PCDH15: variants seen among roughly 807,000 people sequenced by gnomAD.
The protein encoded by PCDH15 is protocadherin related 15.
A neutral mutation model predicts 178.5 loss-of-function variants in PCDH15; 129 were observed. The observed-to-expected ratio is 0.72, with a 90% CI of 0.63 to 0.84. The LOEUF (loss-of-function observed/expected upper bound fraction) is 0.84, where lower values mean the gene tolerates loss of function less well. Ranked by LOEUF, PCDH15 falls within the 40% of genes least tolerant of loss-of-function variation. The pLI, the probability that PCDH15 is intolerant of heterozygous loss-of-function variation, is 0.00. For missense variants in PCDH15, 2,230 were observed against 2,099.9 expected (o/e 1.06, Z -1.21); for synonymous variants, 800 against 732.0 (o/e 1.09, Z -1.50).
rs144955298 is a variant in PCDH15 at position 53,840,352 on chromosome 10, G to C, written c.3951C>G (p.Thr1317=). ...GCTCATTTCTATCGATGGCTCTGTTGGTTTGGGGGTCAATTGCATAGACAG... is the reference window on the plus strand; with the variant it reads ...GCTCATTTCTATCGATGGCTCTGTTCGTTTGGGGGTCAATTGCATAGACAG... ...DLTVYAIDPQ[T]NRAIDRNELF... The change falls in exon 29 of 38, where the codon ACC becomes ACG. Residue 1317 remains threonine, a synonymous_variant. Coordinates refer to ENST00000644397, the MANE Select transcript of PCDH15 (RefSeq NM_001384140.1). 1 of 1,614,160 alleles carries C rather than the reference G, an allele frequency of 6.2e-7. No homozygotes were observed. The highest frequency in any genetic ancestry group is 8.5e-7 in the Non-Finnish European group (1 of 1,180,030).
intron 3 of PCDH15, among the ~76,000 whole-genome samples, chr10:54,812,612 C>A (rs1952882654): frequency 6.6e-6 from 1 of 152,116 alleles, no homozygotes; most frequent in South Asian, 2.1e-4. Flanking sequence ...GGTCCCACCA[C>A]CATGCCCAGG....
intron 1 of PCDH15, among the ~76,000 whole-genome samples, chr10:54,752,732 G>C (rs961431362): frequency 6.6e-6 from 1 of 151,772 alleles, no homozygotes; most frequent in Non-Finnish European, 1.5e-5. Flanking sequence ...CCAACTGACA[G>C]GACCTCACTT....
At chr10:55,363,164 T>G (rs897885104) in intron 2 of PCDH15, among the ~76,000 whole-genome samples, 5 of 152,166 alleles carry the variant, frequency 3.3e-5, no homozygotes, top group African/African-American at 1.2e-4. Context: ...TAGAGACCTA[T>G]CCAAGAGGTC....
chr10:54,684,449 G>A (rs958566002), intron 1 of PCDH15, among the ~76,000 whole-genome samples: 1 of 152,054 alleles, frequency 6.6e-6, no homozygotes, highest in East Asian at 1.9e-4. Flanking sequence ...TTTCTTAAAA[G>A]AAAATGTTAA....
intron 2 of PCDH15, among the ~76,000 whole-genome samples, chr10:55,031,548 T>C (rs1414673835): frequency 1.3e-5 from 2 of 152,310 alleles, no homozygotes; most frequent in African/African-American, 2.4e-5. Context: ...AAGACAACTG[T>C]AGGGCTTGGT....
chr10:54,523,985 T>C (rs2132588866), intron 3 of PCDH15, among the ~76,000 whole-genome samples: 1 of 152,300 alleles, frequency 6.6e-6, no homozygotes. Flanking sequence ...GAAATACTGC[T>C]TAGGAAAGTT....
chr10:54,336,140 T>A (rs7916685), intron 6 of PCDH15, among the ~76,000 whole-genome samples: 4,749 of 152,238 alleles, frequency 0.031, 232 homozygotes, highest in African/African-American at 0.11. Flanking sequence ...AGTTTCTAAG[T>A]AGCAAAACAT....
At chr10:54,402,530 A>G (rs7894819) in intron 3 of PCDH15, among the ~76,000 whole-genome samples, 3,980 of 151,982 alleles carry the variant, frequency 0.026, 168 homozygotes, top group African/African-American at 0.089. Context: ...AAGTTTGAAG[A>G]TTTGTGGCAG....
At position 55,590,888 on chromosome 10, in the gene PCDH15, T is replaced by C. The variant is rs1429517290; in HGVS notation, c.-156+36737A>G. On this transcript the variant is annotated intron_variant, in intron 2 of 5. Transcript: ENST00000613346. The stretch of plus-strand genomic sequence containing the variant: ...TACATAGAAGTAAGCAAGTTTAATG[T>C]ACTCATTTCCTAAGAAATAAGAGAA... Among the ~76,000 whole-genome samples, 4 of 152,306 alleles carry C rather than the reference T, an allele frequency of 2.6e-5. No homozygotes were observed. In the East Asian group the frequency reaches 5.8e-4, roughly 22 times the overall value.
At chr10:54,316,594 A>G in intron 8 of PCDH15, among the ~76,000 whole-genome samples, 1 of 151,362 alleles carries the variant, frequency 6.6e-6, no homozygotes, top group Non-Finnish European at 1.5e-5. Flanking sequence ...CTTTTAGGGG[A>G]GAAATTGATA....
chr10:54,707,221 G>A (rs2095374120), intron 1 of PCDH15, among the ~76,000 whole-genome samples: 1 of 152,144 alleles, frequency 6.6e-6, no homozygotes, highest in Non-Finnish European at 1.5e-5. Context: ...GAGAAATTAA[G>A]TAAGACTCAA....
intron 18 of PCDH15, among the ~76,000 whole-genome samples, chr10:54,050,874 G>C (rs536636495): frequency 1.3e-5 from 2 of 152,188 alleles, no homozygotes; most frequent in South Asian, 2.1e-4. Context: ...GGAGGGACCT[G>C]GTTGGAGGTA....
At chr10:54,495,278 T>A (rs531227936) in intron 3 of PCDH15, among the ~76,000 whole-genome samples, 24 of 152,178 alleles carry the variant, frequency 1.6e-4, no homozygotes, top group Non-Finnish European at 1.5e-4. Flanking sequence ...ATATAATGTA[T>A]ATGAAGCAGT....
intron 2 of PCDH15, among the ~76,000 whole-genome samples, chr10:55,521,817 T>C (rs1297257214): frequency 6.6e-6 from 1 of 151,932 alleles, no homozygotes; most frequent in Non-Finnish European, 1.5e-5. Flanking sequence ...CCGAACATCA[T>C]AGTGTAGGAT....
intron 18 of PCDH15, among the ~76,000 whole-genome samples, chr10:54,064,830 T>G (rs1314502650): frequency 6.6e-6 from 1 of 152,160 alleles, no homozygotes; most frequent in African/African-American, 2.4e-5. Flanking sequence ...GGGAGCTTCC[T>G]GGATCCCTGA....
At chr10:55,250,762 C>T (rs1395123012) in intron 1 of PCDH15, among the ~76,000 whole-genome samples, 1 of 151,436 alleles carries the variant, frequency 6.6e-6, no homozygotes, top group Admixed American at 6.6e-5. Flanking sequence ...GTCTTGAACT[C>T]CTGACCTCGT....
chr10:55,555,473 C>T (rs1842072642), intron 2 of PCDH15, among the ~76,000 whole-genome samples: 1 of 152,070 alleles, frequency 6.6e-6, no homozygotes, highest in Non-Finnish European at 1.5e-5. Context: ...GGATATCTTT[C>T]CCAGCTAATG....
At chr10:53,832,923 G>C (rs377258954) in intron 29 of PCDH15, among the ~76,000 whole-genome samples, 1 of 151,694 alleles carries the variant, frequency 6.6e-6, no homozygotes, top group African/African-American at 2.4e-5. Flanking sequence ...GTGGCAATTA[G>C]AATGCTTTTT....
chr10:53,866,594 T>A (rs2079469822), intron 27 of PCDH15, 48 bp downstream of exon 27: 2 of 1,377,256 alleles, frequency 1.5e-6, no homozygotes, highest in African/African-American at 2.9e-5. Context: ...CACTGACCTA[T>A]GGCTAGTATC....
Sources: allele counts gnomAD v4.1 joint callset (sites outside exome capture counted in the v4.1 genomes callset), GRCh38; gene constraint gnomAD v4.1.1; transcripts MANE v1.5; gene names NCBI Gene and HGNC (gene_info 2026-07-23, HGNC 2026-07-21).